SYNE1: variants seen among roughly 807,000 people sequenced by gnomAD.
The protein encoded by SYNE1 is spectrin repeat containing nuclear envelope protein 1.
A neutral mutation model predicts 1,111.0 loss-of-function variants in SYNE1; 616 were observed. The observed-to-expected ratio is 0.55, with a 90% CI of 0.52 to 0.59. The LOEUF is 0.59. Ranked by LOEUF, SYNE1 falls within the 20% of genes least tolerant of loss-of-function variation. The pLI is 0.00. For synonymous variants in SYNE1, 3,855 were observed against 3,825.8 expected, an observed-to-expected ratio of 1.01 and a Z score of -0.28; for missense variants, 10,006 against 10,417.0, an observed-to-expected ratio of 0.96 and a Z score of 1.72.
rs2055343660 is a variant in SYNE1, at chr6:152,130,758, G to A, written c.26115C>T (p.Leu8705=). Residue 8705 remains leucine (L), a synonymous_variant, in exon 145 of 146, where the codon CTC becomes CTT. Coordinates refer to ENST00000367255, the MANE Select transcript of SYNE1 (RefSeq NM_182961.4). ...RQKTPRGKCS[L]SQPGPSVSSP... ...TGCTGACAGAGGGTCCAGGCTGTGAGAGACTACACTTGCCTCGTGGCTGTT... is the reference window on the plus strand; with the variant it reads ...TGCTGACAGAGGGTCCAGGCTGTGAAAGACTACACTTGCCTCGTGGCTGTT... The A allele has an allele frequency of 6.2e-7, 1 of 1,614,144 alleles. No homozygotes were observed. The highest frequency in any genetic ancestry group is 1.1e-5 in the South Asian group (1 of 91,064).
intron 14 of SYNE1, chr6:152,474,634 T>C (rs769013698): frequency 6.6e-6 from 1 of 152,218 alleles, no homozygotes; most frequent in Non-Finnish European, 1.5e-5. Flanking sequence ...AACAAACTTA[T>C]CATGCTAGAA....
At chr6:152,551,603 A>G (rs922035617) in intron 3 of SYNE1, among the ~76,000 whole-genome samples, 2 of 152,194 alleles carry the variant, frequency 1.3e-5, no homozygotes, top group African/African-American at 4.8e-5. Flanking sequence ...AAAGTTCAGA[A>G]CAGTGACATG....
chr6:152,555,071 T>A (rs1198805418), intron 3 of SYNE1, among the ~76,000 whole-genome samples: 2 of 152,166 alleles, frequency 1.3e-5, no homozygotes, highest in Non-Finnish European at 1.5e-5. Context: ...GAAGTGAGAT[T>A]TTGAAAAAGC....
intron 129 of SYNE1, 94 bp from the exon 130 acceptor site, chr6:152,176,654 C>T: frequency 2.3e-6 from 3 of 1,285,282 alleles, no homozygotes; most frequent in Non-Finnish European, 3.4e-6. Flanking sequence ...CTGCTTTCTA[C>T]TGCTTGGAAG....
At chr6:152,518,966 A>G (rs545285246) in intron 6 of SYNE1, among the ~76,000 whole-genome samples, 3 of 148,612 alleles carry the variant, frequency 2.0e-5, no homozygotes, top group African/African-American at 4.9e-5. Flanking sequence ...GAAGGGGAAC[A>G]TCACCCACCC....
intron 2 of SYNE1, among the ~76,000 whole-genome samples, chr6:152,629,549 A>AGGGGGGGGGGGGGGGGGGGGG (rs1565300223): frequency 7.5e-5 from 1 of 13,330 alleles, no homozygotes; most frequent in African/African-American, 3.8e-4. Flanking sequence ...GGGGGAGGGG[A>AGGGGGGGGGGGGGGGGGGGGG]GGAGGGGGTG....
intron 3 of SYNE1, among the ~76,000 whole-genome samples, chr6:152,567,919 A>G (rs1336486882): frequency 6.6e-6 from 1 of 152,220 alleles, no homozygotes; most frequent in Non-Finnish European, 1.5e-5. Flanking sequence ...GAATGCAATG[A>G]AATACACAGT....
intron 5 of SYNE1, among the ~76,000 whole-genome samples, chr6:152,521,824 GT>G (rs904224321): frequency 6.6e-6 from 1 of 151,978 alleles, no homozygotes; most frequent in African/African-American, 2.4e-5. Context: ...TGTTTTAAAG[GT>G]TTTTAATTTT....
At chr6:152,351,928 C>T in intron 70 of SYNE1, 99 bp downstream of exon 70, 5 of 1,111,870 alleles carry the variant, frequency 4.5e-6, no homozygotes, top group Non-Finnish European at 5.4e-6. Flanking sequence ...GGGATGCATT[C>T]CAGCAGCTGT....
chr6:152,605,062 GAGGGAGGGAGGAAAGA>G (rs2099610594), intron 3 of SYNE1, among the ~76,000 whole-genome samples: 2 of 62,084 alleles, frequency 3.2e-5, no homozygotes, highest in African/African-American at 1.3e-4. Context: ...GGGAGGGAGG[GAGGGAGGGAGGAAAGA>G]AGGAAGGAAG....
chr6:152,196,705 G>T (rs1587550873), intron 127 of SYNE1, among the ~76,000 whole-genome samples: 1 of 151,774 alleles, frequency 6.6e-6, no homozygotes, highest in Non-Finnish European at 1.5e-5. Flanking sequence ...AGAAGGAAGG[G>T]GTGTCTTTTG....
intron 3 of SYNE1, among the ~76,000 whole-genome samples, chr6:152,595,784 C>A (rs1456266643): frequency 2.0e-5 from 3 of 152,108 alleles, no homozygotes; most frequent in African/African-American, 7.2e-5. Flanking sequence ...TCTGACAAAG[C>A]AGTAAACTTC....
intron 96 of SYNE1, 22 bp downstream of exon 96, chr6:152,283,956 C>A: frequency 6.3e-7 from 1 of 1,596,510 alleles, no homozygotes; most frequent in South Asian, 1.1e-5. Flanking sequence ...AGTGAGGAGG[C>A]CACTTTACAG....
At chr6:152,614,185 C>G (rs546543046) in intron 3 of SYNE1, among the ~76,000 whole-genome samples, 34 of 152,162 alleles carry the variant, frequency 2.2e-4, no homozygotes, top group African/African-American at 8.0e-4. Context: ...AAACTACCAT[C>G]AGAGTGAACA....
intron 106 of SYNE1, among the ~76,000 whole-genome samples, chr6:152,242,933 T>C (rs1301669792): frequency 6.6e-6 from 1 of 152,084 alleles, no homozygotes; most frequent in Non-Finnish European, 1.5e-5. Context: ...ATGCCACATA[T>C]CAAAATGCAA....
intron 127 of SYNE1, among the ~76,000 whole-genome samples, chr6:152,194,713 T>G (rs1419831155): frequency 2.0e-5 from 3 of 152,130 alleles, no homozygotes; most frequent in Non-Finnish European, 4.4e-5. Context: ...TTCATTTGTC[T>G]CCTCTGACTG....
At chr6:152,333,880 G>A (rs533520542) in intron 77 of SYNE1, 128 bp downstream of exon 77, 11 of 1,275,136 alleles carry the variant, frequency 8.6e-6, no homozygotes, top group African/African-American at 4.4e-5. Context: ...TAATCCACCC[G>A]CCTCAGCCTC....
In SYNE1 at chr6:152,416,834, G is replaced by A; in HGVS notation, c.5603C>T (p.Ser1868Phe). ...GCTCTGGAGGAATTCTGCCAAATGG[G>A]ACAGGGCAAGCTGCCGCCTCTCCAC... ...QVVERRQLALSHLAEFLQSHA... is the reference protein window; with the variant it reads ...QVVERRQLALFHLAEFLQSHA... Residue 1868 changes from serine (S) to phenylalanine (F), a missense_variant, in exon 41 of 146, where the codon TCC (serine) becomes TTC (phenylalanine). Transcript: ENST00000367255. 1 of 1,614,206 alleles carries A rather than the reference G, an allele frequency of 6.2e-7. No homozygotes were observed. The highest frequency in any genetic ancestry group is 8.5e-7 in the Non-Finnish European group (1 of 1,180,046).
At chr6:152,381,738 C>T (rs1322489251) in intron 55 of SYNE1, among the ~76,000 whole-genome samples, 2 of 152,070 alleles carry the variant, frequency 1.3e-5, no homozygotes, top group Non-Finnish European at 2.9e-5. Context: ...AAATAAAGAT[C>T]GTGGCAGAAC....
Sources: allele counts gnomAD v4.1 joint callset (sites outside exome capture counted in the v4.1 genomes callset), GRCh38; gene constraint gnomAD v4.1.1; transcripts MANE v1.5; gene names NCBI Gene and HGNC (gene_info 2026-07-23, HGNC 2026-07-21).